PABPC4L: variants seen among roughly 807,000 people sequenced by gnomAD.
The protein encoded by PABPC4L is poly(A) binding protein cytoplasmic 4 like, also known as polyadenylate-binding protein 4-like.
For missense variants in PABPC4L, 452 were observed against 451.4 expected, an observed-to-expected ratio of 1.00 and a Z score of -0.01; for synonymous variants, 169 against 164.1, an observed-to-expected ratio of 1.03 and a Z score of -0.23.
the PABPC4L span, among the ~76,000 whole-genome samples, chr4:134,076,278 G>A: frequency 6.6e-6 from 1 of 152,154 alleles, no homozygotes; most frequent in African/African-American, 2.4e-5. Context: ...TAGAAGAGAG[G>A]CTGGGTTAAA....
At chr4:134,143,990 A>G in the PABPC4L span, among the ~76,000 whole-genome samples, 14 of 151,694 alleles carry the variant, frequency 9.2e-5, no homozygotes, top group African/African-American at 3.1e-4. Flanking sequence ...TCTGATGACA[A>G]TTGATTTTAT....
the PABPC4L span, among the ~76,000 whole-genome samples, chr4:134,033,113 T>C: frequency 2.0e-5 from 3 of 151,550 alleles, no homozygotes; most frequent in African/African-American, 7.3e-5. Flanking sequence ...AGGTACTCAC[T>C]TCATGTCTCT....
At chr4:134,037,531 A>C in the PABPC4L span, among the ~76,000 whole-genome samples, 1 of 152,172 alleles carries the variant, frequency 6.6e-6, no homozygotes, top group African/African-American at 2.4e-5. Flanking sequence ...AATAGATGAT[A>C]CTCTCTTGAT....
At chr4:134,030,260 T>C in the PABPC4L span, among the ~76,000 whole-genome samples, 2 of 152,130 alleles carry the variant, frequency 1.3e-5, no homozygotes, top group South Asian at 4.1e-4. Context: ...CTGGAACAGT[T>C]AGGAGGCCTC....
chr4:134,110,853 G>A, the PABPC4L span, among the ~76,000 whole-genome samples: 28 of 151,900 alleles, frequency 1.8e-4, no homozygotes, highest in African/African-American at 6.3e-4. Flanking sequence ...TATTCAGTTC[G>A]AATACAATTT....
chr4:134,173,923 C>T, the PABPC4L span, among the ~76,000 whole-genome samples: 80 of 152,038 alleles, frequency 5.3e-4, no homozygotes, highest in South Asian at 1.0e-3. Flanking sequence ...TACTTTTAAA[C>T]TTTTAAATTT....
chr4:134,016,494 G>A, the PABPC4L span, among the ~76,000 whole-genome samples: 1 of 152,134 alleles, frequency 6.6e-6, no homozygotes, highest in South Asian at 2.1e-4. Flanking sequence ...TGATAAGATA[G>A]CTAAAAAAGC....
At chr4:134,056,536 A>G in the PABPC4L span, among the ~76,000 whole-genome samples, 2 of 152,070 alleles carry the variant, frequency 1.3e-5, no homozygotes, top group South Asian at 4.1e-4. Flanking sequence ...TTTTAAGCAT[A>G]TAAGTTCTAT....
At chr4:134,101,428 C>T in the PABPC4L span, among the ~76,000 whole-genome samples, 1 of 151,290 alleles carries the variant, frequency 6.6e-6, no homozygotes. Context: ...ATTCTGCTTT[C>T]CAACATAAAT....
At chr4:134,078,632 A>C in the PABPC4L span, among the ~76,000 whole-genome samples, 1 of 149,188 alleles carries the variant, frequency 6.7e-6, no homozygotes, top group African/African-American at 2.5e-5. Flanking sequence ...AATTTTCAGC[A>C]TAGAGATAAG....
the PABPC4L span, among the ~76,000 whole-genome samples, chr4:134,076,496 A>G: frequency 6.6e-6 from 1 of 152,156 alleles, no homozygotes; most frequent in Non-Finnish European, 1.5e-5. Flanking sequence ...GAGAGAATCA[A>G]CAATGCTTGC....
At chr4:134,178,056 C>A in the PABPC4L span, among the ~76,000 whole-genome samples, 1 of 152,038 alleles carries the variant, frequency 6.6e-6, no homozygotes, top group East Asian at 1.9e-4. Flanking sequence ...GCCATGCCTG[C>A]TAGAGCTTCC....
the PABPC4L span, among the ~76,000 whole-genome samples, chr4:134,042,981 C>T: frequency 6.6e-6 from 1 of 151,994 alleles, no homozygotes. Context: ...AAAATGTTCA[C>T]CAGTAAATGA....
chr4:134,012,787 C>A, the PABPC4L span, among the ~76,000 whole-genome samples: 1 of 152,138 alleles, frequency 6.6e-6, no homozygotes, highest in Non-Finnish European at 1.5e-5. Context: ...CCTCTTTTTA[C>A]TCTCTTCTCC....
At chr4:133,969,053 G>T in the PABPC4L span, among the ~76,000 whole-genome samples, 2 of 152,150 alleles carry the variant, frequency 1.3e-5, no homozygotes, top group African/African-American at 2.4e-5. Context: ...TCTCGGGTCT[G>T]AGAGGGGCAC....
chr4:133,994,135 C>T, the PABPC4L span, among the ~76,000 whole-genome samples: 1 of 152,038 alleles, frequency 6.6e-6, no homozygotes, highest in Non-Finnish European at 1.5e-5. Flanking sequence ...GCATTAATAG[C>T]TTGTAAGTCA....
At chr4:134,195,543 A>T (rs190635027), downstream of PABPC4L, among the ~76,000 whole-genome samples, 5 of 151,986 alleles carry the variant, frequency 3.3e-5, no homozygotes, top group African/African-American at 1.2e-4. Flanking sequence ...GATTTTTAAA[A>T]TATCTAAGGT....
chr4:134,112,099 A>C, the PABPC4L span, among the ~76,000 whole-genome samples: 1 of 151,988 alleles, frequency 6.6e-6, no homozygotes, highest in South Asian at 2.1e-4. Context: ...AAAAATACAC[A>C]TTGCAATATA....
At chr4:134,085,477 T>C in the PABPC4L span, among the ~76,000 whole-genome samples, 1 of 152,052 alleles carries the variant, frequency 6.6e-6, no homozygotes, top group African/African-American at 2.4e-5. Flanking sequence ...TCACAAATCC[T>C]AAGTGCACAT....
Sources: allele counts gnomAD v4.1 joint callset (sites outside exome capture counted in the v4.1 genomes callset), GRCh38; gene constraint gnomAD v4.1.1; transcripts MANE v1.5; gene names NCBI Gene and HGNC (gene_info 2026-07-23, HGNC 2026-07-21).